TPD52: variants seen among roughly 807,000 people sequenced by gnomAD.
TPD52 encodes tumor protein D52.
In TPD52, 17 loss-of-function variants were observed where a neutral mutation model predicts 31.3. The ratio of observed to expected loss-of-function variants is 0.54; its 90% CI spans 0.37 to 0.82. The LOEUF (loss-of-function observed/expected upper bound fraction) is 0.82. Ranked by LOEUF, TPD52 falls within the 40% of genes least tolerant of loss-of-function variation. The pLI, the probability that TPD52 is intolerant of heterozygous loss-of-function variation, is 0.00. For synonymous variants in TPD52, 83 were observed against 89.6 expected (o/e 0.93, Z 0.42); for missense variants, 212 against 240.1 (o/e 0.88, Z 0.77).
At chr8:80,163,939 T>C (rs925195704) in intron 1 of TPD52, among the ~76,000 whole-genome samples, 1 of 151,908 alleles carries the variant, frequency 6.6e-6, no homozygotes, top group Non-Finnish European at 1.5e-5. Flanking sequence ...AACTGTTATG[T>C]GTAGTGTATA....
At chr8:80,047,391 T>C (rs1274009559) in intron 5 of TPD52, among the ~76,000 whole-genome samples, 1 of 152,226 alleles carries the variant, frequency 6.6e-6, no homozygotes, top group East Asian at 1.9e-4. Flanking sequence ...TGAATTAGCA[T>C]CTACTGTATA....
intron 1 of TPD52, among the ~76,000 whole-genome samples, chr8:80,112,088 C>T (rs1807535150): frequency 6.6e-6 from 1 of 152,182 alleles, no homozygotes; most frequent in Admixed American, 6.5e-5. Context: ...GTTTTTCCCA[C>T]AGCACAAGGA....
chr8:80,097,147 T>G (rs952089639), intron 1 of TPD52, among the ~76,000 whole-genome samples: 1 of 151,956 alleles, frequency 6.6e-6, no homozygotes, highest in Non-Finnish European at 1.5e-5. Flanking sequence ...AGCTCAACAC[T>G]CCCTCAAGCC....
intron 2 of TPD52, among the ~76,000 whole-genome samples, chr8:80,056,879 C>G (rs940027362): frequency 6.6e-6 from 1 of 152,218 alleles, no homozygotes; most frequent in African/African-American, 2.4e-5. Flanking sequence ...GAATTGAAAA[C>G]ACATCCAGGC....
chr8:80,106,826 CA>C (rs11353412), intron 1 of TPD52, among the ~76,000 whole-genome samples: 65,917 of 147,742 alleles, frequency 0.45, 15,094 homozygotes, highest in East Asian at 0.79. Flanking sequence ...CCACAAAAAG[CA>C]AAAAAAAACC....
chr8:80,120,193 TA>T lies in TPD52; in HGVS notation c.19+51231del, dbSNP rs946963350. 2.0e-5 allele frequency among the ~76,000 whole-genome samples: 3 copies of T among 151,402 alleles called. No homozygotes were observed. In the South Asian group the frequency reaches 6.3e-4, roughly 32 times the overall value. ...AAAATTGGAATTAAATGAATATTTCTAAAAAAAAATAATAGGCTGGACGCGG... is the reference window on the plus strand; with the variant it reads ...AAAATTGGAATTAAATGAATATTTCTAAAAAAAATAATAGGCTGGACGCGG... On this transcript the variant is annotated intron_variant, in intron 1 of 7. Coordinates refer to ENST00000518937, the MANE Select transcript of TPD52 (RefSeq NM_001025253.3).
Position 80,037,540 on chromosome 8 carries a change from G to C in TPD52, c.*576C>G, listed in dbSNP as rs1809994439. On this transcript the variant is annotated 3_prime_UTR_variant, in exon 8 of 8. Transcript: ENST00000518937. The stretch of plus-strand genomic sequence containing the variant: ...AAAACTATAATAAATTGGATGCACA[G>C]CTGTTTACTTCAGTCTGGTGTCTTC... 3 of 152,222 alleles carry C rather than the reference G, an allele frequency of 2.0e-5. No homozygotes were observed. The highest frequency in any genetic ancestry group is 2.0e-4 in the Admixed American group (3 of 15,290). 9.4% of individuals were successfully genotyped at this position (152,222 alleles called of 1,614,324 possible). A position where few individuals can be genotyped will look rare whatever the true frequency, so the allele number is the denominator to read the frequency against.
At position 80,042,314 on chromosome 8, in the gene TPD52, T is replaced by G. The variant is rs574235620; in HGVS notation, c.504+306A>C. The G allele has an allele frequency of 4.4e-5, 43 of 985,440 alleles. No homozygotes were observed. In the African/African-American group the frequency reaches 6.5e-4, roughly 15 times the overall value. 61.0% of individuals were successfully genotyped at this position (985,440 alleles called of 1,614,324 possible). A position where few individuals can be genotyped will look rare whatever the true frequency, so the allele number is the denominator to read the frequency against. ...TGTTGACAAGAAAGTTATATTAAAT[T>G]TTGTCCACCTACAAAGGTACTTGAA... is the stretch of plus-strand genomic sequence containing the variant. On this transcript the variant is annotated intron_variant, in intron 7 of 7. Coordinates refer to ENST00000518937, the MANE Select transcript of TPD52 (RefSeq NM_001025253.3).
chr8:80,052,737 A>C, intron 3 of TPD52: 1 of 1,219,768 alleles, frequency 8.2e-7, no homozygotes, highest in Non-Finnish European at 1.1e-6. Flanking sequence ...GTGGTCAAAA[A>C]GACAAAAAGC....
rs552321553 is a variant in TPD52 at position 80,098,968 on chromosome 8, C to T, written c.20-34375G>A. ...TAGGACTCACTGAAGACTCACTGAC[C>T]GTTAGCATTTCTTGGCAATAAAGTA... On this transcript the variant is annotated intron_variant, in intron 1 of 7. Coordinates refer to ENST00000518937, the MANE Select transcript of TPD52 (RefSeq NM_001025253.3). Among the ~76,000 whole-genome samples the T allele has an allele frequency of 5.3e-5, 8 of 152,254 alleles. No homozygotes were observed. The South Asian group carries it at 1.0e-3, about 20-fold the overall frequency.
chr8:80,041,310 A>C (rs1810363285), intron 7 of TPD52, among the ~76,000 whole-genome samples: 1 of 152,224 alleles, frequency 6.6e-6, no homozygotes, highest in African/African-American at 2.4e-5. Context: ...TAAATTAAAA[A>C]AAGATCCAGA....
chr8:80,050,329 G>A (rs1040219779), intron 5 of TPD52, 116 bp downstream of exon 5: 20 of 985,404 alleles, frequency 2.0e-5, no homozygotes, highest in Non-Finnish European at 2.5e-5. Context: ...TACTCTAAAC[G>A]CAAGAAAATT....
intron 1 of TPD52, among the ~76,000 whole-genome samples, chr8:80,128,639 C>A (rs1434677975): frequency 6.6e-6 from 1 of 151,486 alleles, no homozygotes; most frequent in East Asian, 1.9e-4. Flanking sequence ...CCAGCCTGGG[C>A]AACTGAGCAA....
intron 5 of TPD52, among the ~76,000 whole-genome samples, chr8:80,049,416 A>AT (rs148184822): frequency 1.3e-5 from 2 of 152,122 alleles, no homozygotes; most frequent in African/African-American, 2.4e-5. Context: ...TGGTTACTTG[A>AT]TTTTTTAAGC....
intron 1 of TPD52, among the ~76,000 whole-genome samples, chr8:80,148,588 T>A (rs981012852): frequency 5.3e-5 from 8 of 152,192 alleles, no homozygotes; most frequent in Admixed American, 1.3e-4. Flanking sequence ...TTTAATTCTT[T>A]AACTTTCTGA....
intron 1 of TPD52, among the ~76,000 whole-genome samples, chr8:80,143,446 A>T (rs892302265): frequency 6.6e-6 from 1 of 152,184 alleles, no homozygotes; most frequent in Non-Finnish European, 1.5e-5. Context: ...CTCCTTTGGG[A>T]CATACATTTC....
At chr8:80,150,996 C>A (rs1437624027) in intron 1 of TPD52, among the ~76,000 whole-genome samples, 1 of 152,140 alleles carries the variant, frequency 6.6e-6, no homozygotes, top group Non-Finnish European at 1.5e-5. Flanking sequence ...TGTGTCCCCA[C>A]CCAAATCTCA....
rs752314777 is a variant in TPD52, at chr8:80,171,408, T to C, written c.19+17A>G. 1.9e-6 allele frequency: 3 copies of C among 1,595,830 alleles called. No homozygotes were observed. In the South Asian group the frequency reaches 3.3e-5, roughly 18 times the overall value. On this transcript the variant is annotated intron_variant, in intron 1 of 7. Transcript: ENST00000518937. ...AGTCCAAGCCCGAGCCCAAGCCCGC[T>C]GGGTCCGCGCCCTCACCTTGCTCGC...
downstream of TPD52, among the ~76,000 whole-genome samples, chr8:80,034,318 T>G (rs893678052): frequency 6.6e-6 from 1 of 151,716 alleles, no homozygotes; most frequent in African/African-American, 2.4e-5. Flanking sequence ...TGGCTGCAGC[T>G]GCACCCAGGA....
Sources: gnomAD v4.1 joint callset for allele counts (sites outside exome capture counted in the v4.1 genomes callset) on GRCh38, gnomAD v4.1.1 for gene constraint, MANE v1.5 for transcripts, NCBI Gene and HGNC (gene_info 2026-07-23, HGNC 2026-07-21) for gene names.